Variants in ARHGAP35 observed in about 807,000 individuals in gnomAD.
ARHGAP35 encodes rho GTPase-activating protein 35.
ARHGAP35 carries 15 observed loss-of-function variants against 111.1 expected under a neutral mutation model. That is an observed-to-expected ratio of 0.13 (90% CI 0.09 to 0.21). The LOEUF is 0.21. Among genes scored for constraint, ARHGAP35 ranks in the 10% least tolerant of loss-of-function variants. ARHGAP35 has a pLI of 1.00. For missense variants in ARHGAP35, 1,262 were observed against 1,873.0 expected, an observed-to-expected ratio of 0.67 and a Z score of 6.02; for synonymous variants, 643 against 710.3, an observed-to-expected ratio of 0.91 and a Z score of 1.51.
intron 1 of ARHGAP35, among the ~76,000 whole-genome samples, chr19:46,886,848 C>T (rs1330068247): frequency 6.6e-6 from 1 of 152,064 alleles, no homozygotes; most frequent in Non-Finnish European, 1.5e-5. Context: ...GATGATTTTG[C>T]TAGAATTTTA....
intron 1 of ARHGAP35, among the ~76,000 whole-genome samples, chr19:46,914,476 G>C (rs947395585): frequency 6.6e-6 from 1 of 151,966 alleles, no homozygotes; most frequent in Admixed American, 6.6e-5. Flanking sequence ...AATTAGCCAG[G>C]CATGATGGCT....
intron 1 of ARHGAP35, among the ~76,000 whole-genome samples, chr19:46,885,586 A>G (rs2055989516): frequency 6.6e-6 from 1 of 152,114 alleles, no homozygotes; most frequent in South Asian, 2.1e-4. Context: ...CGGTGATTTC[A>G]TATACTAACC....
At chr19:46,917,333 C>T (rs372267536) in intron 1 of ARHGAP35, among the ~76,000 whole-genome samples, 10 of 152,316 alleles carry the variant, frequency 6.6e-5, no homozygotes, top group African/African-American at 2.4e-4. Context: ...ATAGGCCAGG[C>T]GTGATCGCTT....
intron 1 of ARHGAP35, among the ~76,000 whole-genome samples, chr19:46,874,500 T>A (rs12981513): frequency 7.9e-6 from 1 of 126,734 alleles, no homozygotes; most frequent in African/African-American, 2.9e-5. Flanking sequence ...TTATGTTTTG[T>A]CTTTTTTTTT....
At chr19:46,949,174 T>A (rs1350899706) in intron 3 of ARHGAP35, 1 of 151,898 alleles carries the variant, frequency 6.6e-6, no homozygotes, top group Non-Finnish European at 1.5e-5. Context: ...AAAAAAAAAT[T>A]ATCAGATGGT....
chr19:46,916,370 G>C (rs1337307007), intron 1 of ARHGAP35, among the ~76,000 whole-genome samples: 1 of 136,960 alleles, frequency 7.3e-6, no homozygotes, highest in Non-Finnish European at 1.6e-5. Flanking sequence ...GGAGGGAAGG[G>C]TCTGTGCACA....
chr19:46,988,268 C>A lies in ARHGAP35; in HGVS notation c.3904+202C>A. 1.8e-6 allele frequency: 1 copy of A among 559,892 alleles called. No homozygotes were observed. The highest frequency in any genetic ancestry group is 3.2e-6 in the Non-Finnish European group (1 of 311,026). The allele number at this position is 559,892 out of a possible 1,614,324, so 34.7% of individuals were successfully genotyped here. A position where few individuals can be genotyped will look rare whatever the true frequency, so the allele number is the denominator to read the frequency against. ...TCCTGTCAGTGAACCGAAGCACCATCCCTGCCCAAGCTGGGTCATGTAGGC... is the reference window on the plus strand; with the variant it reads ...TCCTGTCAGTGAACCGAAGCACCATACCTGCCCAAGCTGGGTCATGTAGGC... On this transcript the variant is annotated intron_variant, in intron 4 of 6. Transcript: ENST00000672722. This position sits in a 1 kb window ranked among gnomAD's most constrained non-coding sequence, Gnocchi z 5.4.
chr19:46,973,584 G>A (rs574469039), intron 3 of ARHGAP35, among the ~76,000 whole-genome samples: 5 of 151,872 alleles, frequency 3.3e-5, no homozygotes, highest in East Asian at 1.9e-4. Context: ...CCAGCTACTC[G>A]GGAGGCTGAG....
chr19:46,874,199 A>T (rs2055903442), intron 1 of ARHGAP35, among the ~76,000 whole-genome samples: 1 of 152,188 alleles, frequency 6.6e-6, no homozygotes, highest in South Asian at 2.1e-4. Flanking sequence ...AGGTCTAGGT[A>T]TCTACAAGGT....
rs2056744555 is a variant in ARHGAP35, at chr19:47,000,907, A to G, written c.*219A>G. On this transcript the variant is annotated 3_prime_UTR_variant, in exon 7 of 7. Coordinates refer to ENST00000672722, the MANE Select transcript of ARHGAP35 (RefSeq NM_004491.5). This position sits in a 1 kb window ranked among gnomAD's most constrained non-coding sequence, Gnocchi z 6.9. ...TGCAGACCTGAGCTGGCTTGGACCC[A>G]TTTGAGGACTGAACTAGGCAGGCAA... is the stretch of plus-strand genomic sequence containing the variant. 1.3e-6 allele frequency: 2 copies of G among 1,531,004 alleles called. No homozygotes were observed. The highest frequency in any genetic ancestry group is 4.9e-5 in the East Asian group (2 of 40,676). 94.8% of individuals were successfully genotyped at this position (1,531,004 alleles called of 1,614,324 possible). A position where few individuals can be genotyped will look rare whatever the true frequency, so the allele number is the denominator to read the frequency against.
chr19:46,913,725 T>C (rs554477865), intron 1 of ARHGAP35, among the ~76,000 whole-genome samples: 7 of 152,330 alleles, frequency 4.6e-5, no homozygotes, highest in African/African-American at 1.7e-4. Flanking sequence ...ATGAAATATC[T>C]CTGTACAGCT....
chr19:46,911,806 A>T (rs932182438), intron 1 of ARHGAP35, among the ~76,000 whole-genome samples: 1 of 152,200 alleles, frequency 6.6e-6, no homozygotes, highest in African/African-American at 2.4e-5. Flanking sequence ...CATATTACTA[A>T]TTAAGGTTCT....
intron 1 of ARHGAP35, among the ~76,000 whole-genome samples, chr19:46,894,081 C>A (rs1025781200): frequency 6.6e-6 from 1 of 152,018 alleles, no homozygotes; most frequent in Non-Finnish European, 1.5e-5. Context: ...TATTTTTAAG[C>A]ACAACTCTCT....
chr19:46,973,344 A>G (rs760384350), intron 3 of ARHGAP35, among the ~76,000 whole-genome samples: 3 of 151,822 alleles, frequency 2.0e-5, no homozygotes, highest in Non-Finnish European at 4.4e-5. Flanking sequence ...AGCCTGGATG[A>G]CAGAGCGAGA....
chr19:47,001,067 T>A lies in ARHGAP35; in HGVS notation c.*379T>A. 7.6e-7 allele frequency: 1 copy of A among 1,315,934 alleles called. No homozygotes were observed. 81.5% of individuals were successfully genotyped at this position (1,315,934 alleles called of 1,614,324 possible). A position where few individuals can be genotyped will look rare whatever the true frequency, so the allele number is the denominator to read the frequency against. ...CCCTGGCCTTTGCCGGGGAGGAGGA[T>A]GCTCTGAGATTCAGGGTGGGGCTGG... On this transcript the variant is annotated 3_prime_UTR_variant, in exon 7 of 7. Coordinates refer to ENST00000672722, the MANE Select transcript of ARHGAP35 (RefSeq NM_004491.5). The surrounding 1 kb of genome is among the most constrained non-coding windows in gnomAD (Gnocchi z 5.4).
intron 3 of ARHGAP35, among the ~76,000 whole-genome samples, chr19:46,968,664 G>A (rs766704387): frequency 1.3e-5 from 2 of 152,202 alleles, no homozygotes; most frequent in Non-Finnish European, 2.9e-5. Context: ...ACAAAGTAGT[G>A]ACGTGCTACA....
chr19:46,927,987 C>T (rs1469755312), intron 2 of ARHGAP35, among the ~76,000 whole-genome samples: 4 of 152,158 alleles, frequency 2.6e-5, no homozygotes, highest in Non-Finnish European at 5.9e-5. Flanking sequence ...AAATCCATTT[C>T]TCCTCACTGC....
At chr19:46,961,083 T>C (rs2122270187) in intron 3 of ARHGAP35, among the ~76,000 whole-genome samples, 1 of 152,090 alleles carries the variant, frequency 6.6e-6, no homozygotes, top group South Asian at 2.1e-4. Flanking sequence ...TTAGTAGAGA[T>C]GGGGTTTCAC....
At chr19:46,869,577 G>A (rs915061288) in intron 1 of ARHGAP35, among the ~76,000 whole-genome samples, 3 of 151,768 alleles carry the variant, frequency 2.0e-5, no homozygotes, top group African/African-American at 7.3e-5. Context: ...TTAAAAGAAA[G>A]GTCAAAACTG....
Sources: allele counts gnomAD v4.1 joint callset (sites outside exome capture counted in the v4.1 genomes callset), GRCh38; gene constraint gnomAD v4.1.1; non-coding constraint Gnocchi (gnomAD v3.1); transcripts MANE v1.5; gene names NCBI Gene and HGNC (gene_info 2026-07-23, HGNC 2026-07-21).